Variants in TERB2 observed in about 807,000 individuals in gnomAD.
TERB2 encodes telomere repeat binding bouquet formation protein 2, also known as telomere repeats-binding bouquet formation protein 2.
TERB2 carries 26 observed loss-of-function variants against 29.8 expected under a neutral mutation model. The observed-to-expected ratio is 0.87, with a 90% CI of 0.64 to 1.21. The LOEUF (loss-of-function observed/expected upper bound fraction) is 1.21. TERB2 is among the 50% of genes most tolerant of loss of function. The pLI is 0.00. For missense variants in TERB2, 240 were observed against 268.6 expected, an observed-to-expected ratio of 0.89 and a Z score of 0.74; for synonymous variants, 80 against 90.8, an observed-to-expected ratio of 0.88 and a Z score of 0.68.
intron 6 of TERB2, among the ~76,000 whole-genome samples, chr15:44,975,635 G>A (rs768526150): frequency 3.3e-5 from 5 of 152,016 alleles, no homozygotes; most frequent in Non-Finnish European, 7.4e-5. Context: ...GGCGAGGGTA[G>A]ATGAGTGTCA....
At chr15:44,977,254 T>G (rs945391731) in intron 6 of TERB2, among the ~76,000 whole-genome samples, 5 of 152,204 alleles carry the variant, frequency 3.3e-5, no homozygotes, top group African/African-American at 1.2e-4. Context: ...TAAACTCCCC[T>G]TTTGTTTAAG....
At position 44,974,028 on chromosome 15, in the gene TERB2, T is replaced by C. The variant is rs1892008401; in HGVS notation, c.523+73T>C. 33 of 1,321,234 alleles carry C rather than the reference T, an allele frequency of 2.5e-5. 1 individual carries two copies. Among genetic ancestry groups the C allele is most frequent in the Non-Finnish European group, 3.2e-5 (32 of 1,012,274 alleles). 81.8% of individuals were successfully genotyped at this position (1,321,234 alleles called of 1,614,324 possible). A position where few individuals can be genotyped will look rare whatever the true frequency, so the allele number is the denominator to read the frequency against. ...GGGAATATTGTGTTGAATAAAGCTG[T>C]TGTACTTCAGATACCTAGAGAGTAG... On this transcript the variant is annotated intron_variant, in intron 6 of 6. Coordinates refer to ENST00000340827, the MANE Select transcript of TERB2 (RefSeq NM_152448.3).
At position 44,966,186 on chromosome 15, in the gene TERB2, A is replaced by C; in HGVS notation, c.377A>C (p.Lys126Thr). 6.4e-7 allele frequency: 1 copy of C among 1,551,130 alleles called. No homozygotes were observed. The highest frequency in any genetic ancestry group is 8.7e-7 in the Non-Finnish European group (1 of 1,153,884). The change falls in exon 5 of 7, where the codon AAG becomes ACG. Residue 126 changes from lysine to threonine, a missense_variant. Lys to Thr is a moderately conservative substitution (Grantham distance 78, BLOSUM62 -1). Transcript: ENST00000340827. ...KHDEVTPNEI[K>T]TLRENSELAT... ...GATGAAGTAACACCAAATGAAATAA[A>C]GACCCTTAGGGAAAACAGTGAACTA...
chr15:44,965,162 C>CA (rs66756472), intron 4 of TERB2, among the ~76,000 whole-genome samples: 27,505 of 48,740 alleles, frequency 0.56, 10,481 homozygotes, highest in Non-Finnish European at 0.72. Flanking sequence ...GACTCTGTCT[C>CA]AAAAAAAAAA....
At chr15:44,960,297 A>C (rs1167680975) in intron 3 of TERB2, among the ~76,000 whole-genome samples, 1 of 152,210 alleles carries the variant, frequency 6.6e-6, no homozygotes, top group African/African-American at 2.4e-5. Context: ...GTGAGGTGCA[A>C]ATGTGAGCCA....
chr15:44,977,393 TGTA>T (rs558488704), intron 6 of TERB2, among the ~76,000 whole-genome samples: 72 of 152,364 alleles, frequency 4.7e-4, no homozygotes, highest in African/African-American at 1.7e-3. Flanking sequence ...TTTTTACTAA[TGTA>T]GTAATTTTTA....
At chr15:44,958,271 T>A in intron 2 of TERB2, 102 bp from the exon 3 acceptor site, 1 of 1,369,574 alleles carries the variant, frequency 7.3e-7, no homozygotes, top group Non-Finnish European at 9.8e-7. Context: ...TATGCTTCAA[T>A]GTAATCGTCT....
intron 5 of TERB2, among the ~76,000 whole-genome samples, chr15:44,968,729 G>A (rs922914641): frequency 7.3e-5 from 11 of 150,550 alleles, no homozygotes; most frequent in African/African-American, 2.7e-4. Flanking sequence ...CACCCAGAAT[G>A]CTGCTAGGAT....
intron 3 of TERB2, among the ~76,000 whole-genome samples, chr15:44,960,775 T>A (rs1335290491): frequency 6.6e-6 from 1 of 151,852 alleles, no homozygotes; most frequent in African/African-American, 2.4e-5. Context: ...AAGTCTAGAG[T>A]AATATTACCT....
At chr15:44,968,759 A>C (rs1251169620) in intron 5 of TERB2, among the ~76,000 whole-genome samples, 4 of 151,316 alleles carry the variant, frequency 2.6e-5, no homozygotes, top group Non-Finnish European at 5.9e-5. Context: ...GAGCCACCAC[A>C]CCTGGCCTAG....
At chr15:44,957,667 G>A (rs994516116) in intron 2 of TERB2, among the ~76,000 whole-genome samples, 1 of 151,990 alleles carries the variant, frequency 6.6e-6, no homozygotes, top group African/African-American at 2.4e-5. Flanking sequence ...CGTTTTCGCC[G>A]GGACTATCAG....
intron 2 of TERB2, 108 bp downstream of exon 2, chr15:44,957,085 A>T: frequency 8.4e-7 from 1 of 1,185,724 alleles, no homozygotes; most frequent in East Asian, 2.6e-5. Flanking sequence ...GCGGTGGCGG[A>T]CACCTATAAT....
chr15:44,964,571 A>C (rs1891855222), intron 4 of TERB2, among the ~76,000 whole-genome samples: 1 of 152,156 alleles, frequency 6.6e-6, no homozygotes, highest in South Asian at 2.1e-4. Flanking sequence ...ATTTTAGTAC[A>C]CATTGGCAAA....
At chr15:44,968,028 A>C (rs1272436785) in intron 5 of TERB2, among the ~76,000 whole-genome samples, 25 of 116,276 alleles carry the variant, frequency 2.2e-4, no homozygotes, top group African/African-American at 9.0e-4. Flanking sequence ...CTCTGTGGAA[A>C]CACCAGAGGG....
chr15:44,956,858 G>A, intron 1 of TERB2, 38 bp from the exon 2 acceptor site: 3 of 1,612,374 alleles, frequency 1.9e-6, no homozygotes, highest in Non-Finnish European at 2.5e-6. Flanking sequence ...TGGGTCCAGG[G>A]TGCTTGATAG....
At chr15:44,967,031 T>G (rs1315017841) in intron 5 of TERB2, among the ~76,000 whole-genome samples, 1 of 152,136 alleles carries the variant, frequency 6.6e-6, no homozygotes, top group Non-Finnish European at 1.5e-5. Context: ...CCCAGGAGGT[T>G]GAGACCGCAG....
intron 4 of TERB2, among the ~76,000 whole-genome samples, chr15:44,962,377 G>GTA (rs1227598728): frequency 6.7e-6 from 1 of 149,082 alleles, no homozygotes; most frequent in Non-Finnish European, 1.5e-5. Flanking sequence ...TTTTAGTAGA[G>GTA]ACAGGGTTTC....
intron 4 of TERB2, among the ~76,000 whole-genome samples, chr15:44,962,184 T>C (rs1224661293): frequency 7.4e-6 from 1 of 135,598 alleles, no homozygotes. Flanking sequence ...TTACCAGTTC[T>C]TTTTTTTTTT....
At chr15:44,973,228 A>C (rs1418336060) in intron 5 of TERB2, among the ~76,000 whole-genome samples, 6 of 152,216 alleles carry the variant, frequency 3.9e-5, no homozygotes, top group Admixed American at 3.9e-4. Flanking sequence ...AATACTAGTT[A>C]ATAGATGCCC....
Sources: allele counts gnomAD v4.1 joint callset (sites outside exome capture counted in the v4.1 genomes callset), GRCh38; gene constraint gnomAD v4.1.1; transcripts MANE v1.5; gene names NCBI Gene and HGNC (gene_info 2026-07-23, HGNC 2026-07-21).